PRCP: variants seen among roughly 807,000 people sequenced by gnomAD.
PRCP encodes the protein lysosomal Pro-X carboxypeptidase.
Under a neutral mutation model 54.2 loss-of-function variants are expected in PRCP, and 46 were observed. That is an observed-to-expected ratio of 0.85 (90% CI 0.67 to 1.09). The LOEUF (loss-of-function observed/expected upper bound fraction) is 1.09, where lower values mean the gene tolerates loss of function less well. PRCP is among the 50% of genes least tolerant of loss of function. The pLI, the probability that PRCP is intolerant of heterozygous loss-of-function variation, is 0.00. For synonymous variants in PRCP, 240 were observed against 212.2 expected (o/e 1.13, Z -1.14); for missense variants, 613 against 596.8 (o/e 1.03, Z -0.28).
intron 2 of PRCP, among the ~76,000 whole-genome samples, chr11:82,855,471 T>C (rs1159989980): frequency 1.3e-5 from 2 of 151,740 alleles, no homozygotes; most frequent in Non-Finnish European, 2.9e-5. Flanking sequence ...GCAAAAAACT[T>C]AGCCGGGCGT....
chr11:82,886,556 T>C (rs1859868639), intron 1 of PRCP, among the ~76,000 whole-genome samples: 1 of 152,212 alleles, frequency 6.6e-6, no homozygotes, highest in Non-Finnish European at 1.5e-5. Context: ...AGTGCTGGAA[T>C]TACAGGTGTG....
At chr11:82,899,838 G>GT (rs750836207) in intron 1 of PRCP, 34 of 192,014 alleles carry the variant, frequency 1.8e-4, no homozygotes, top group Non-Finnish European at 3.6e-4. Flanking sequence ...ATTAAAATTT[G>GT]TATTTAGGGC....
intron 6 of PRCP, among the ~76,000 whole-genome samples, chr11:82,841,135 G>C (rs1858657603): frequency 8.0e-6 from 1 of 125,506 alleles, no homozygotes; most frequent in Admixed American, 8.8e-5. Context: ...CAGGGAGAGA[G>C]ATTCTGGGCA....
At chr11:82,839,664 C>G (rs550771913) in intron 6 of PRCP, 23 of 467,322 alleles carry the variant, frequency 4.9e-5, no homozygotes, top group Non-Finnish European at 8.6e-5. Flanking sequence ...AAAGTCCTCT[C>G]CATCTACCAT....
chr11:82,849,464 A>G (rs924837096), intron 5 of PRCP, among the ~76,000 whole-genome samples: 1 of 152,252 alleles, frequency 6.6e-6, no homozygotes, highest in Admixed American at 6.5e-5. Flanking sequence ...AAATAGGAAC[A>G]CTATAGAACA....
At chr11:82,889,325 C>G (rs1420450588) in intron 1 of PRCP, among the ~76,000 whole-genome samples, 1 of 151,262 alleles carries the variant, frequency 6.6e-6, no homozygotes, top group Non-Finnish European at 1.5e-5. Context: ...GATCACAACA[C>G]TGCACTCCAG....
intron 2 of PRCP, among the ~76,000 whole-genome samples, chr11:82,859,302 A>G (rs990978256): frequency 6.6e-6 from 1 of 152,236 alleles, no homozygotes; most frequent in African/African-American, 2.4e-5. Flanking sequence ...ATAAAAGAAA[A>G]TGGTAGAACA....
intron 3 of PRCP, 78 bp downstream of exon 3, chr11:82,853,099 C>T: frequency 2.0e-6 from 2 of 1,005,460 alleles, no homozygotes. Flanking sequence ...AGTTATCTCA[C>T]AGTGGGGCAT....
intron 1 of PRCP, among the ~76,000 whole-genome samples, chr11:82,879,431 A>G (rs935480548): frequency 2.5e-4 from 38 of 152,188 alleles, no homozygotes; most frequent in Non-Finnish European, 4.4e-4. Context: ...CCATTCGTCT[A>G]ATCTTTTTTC....
At chr11:82,855,979 C>A (rs1308134396) in intron 2 of PRCP, among the ~76,000 whole-genome samples, 5 of 152,046 alleles carry the variant, frequency 3.3e-5, no homozygotes, top group Non-Finnish European at 7.4e-5. Context: ...AACTACCATT[C>A]AACCCACCAA....
chr11:82,860,095 G>C lies in PRCP; in HGVS notation c.191C>G (p.Thr64Ser). The part of the protein sequence containing the change: ...QQKVDHFGFN[T>S]VKTFNQRYLV... ...GTACCGCTGATTAAAAGTTTTCACA[G>C]TATTAAATCCAAAATGATCAACCTG... The change falls in exon 2 of 9, where the codon ACT becomes AGT. Residue 64 changes from threonine to serine, a missense_variant. Transcript: ENST00000313010. 6.5e-7 allele frequency: 1 copy of C among 1,542,096 alleles called. No homozygotes were observed. Among genetic ancestry groups the C allele is most frequent in the Non-Finnish European group, 8.8e-7 (1 of 1,142,694 alleles).
chr11:82,826,842 T>C (rs1226907049), intron 8 of PRCP: 2 of 152,248 alleles, frequency 1.3e-5, no homozygotes, highest in Non-Finnish European at 2.9e-5. Context: ...CTCTCTTAAC[T>C]TGTGTGTTGT....
intron 1 of PRCP, among the ~76,000 whole-genome samples, chr11:82,880,947 A>G: frequency 6.6e-6 from 1 of 152,126 alleles, no homozygotes; most frequent in Non-Finnish European, 1.5e-5. Context: ...TCATCTTCCT[A>G]CAATAGGAAG....
At chr11:82,827,062 G>A (rs980261922) in intron 8 of PRCP, 1 of 152,114 alleles carries the variant, frequency 6.6e-6, no homozygotes, top group Non-Finnish European at 1.5e-5. Context: ...CATACCACTG[G>A]AAATTACTTA....
rs565867961 is a variant in PRCP, at chr11:82,834,891, G to A, written c.1274+3496C>T. 1.5e-4 allele frequency among the ~76,000 whole-genome samples: 23 copies of A among 152,238 alleles called. No homozygotes were observed. The South Asian group carries it at 1.7e-3, about 11-fold the overall frequency. ...GGAGTTTGGGACCAGCCTGGCCAGC[G>A]TGGTGAAACCCCATCTCTACTAAAA... On this transcript the variant is annotated intron_variant, in intron 8 of 8. Transcript: ENST00000313010.
chr11:82,856,808 G>A (rs1210891395), intron 2 of PRCP, among the ~76,000 whole-genome samples: 5 of 152,164 alleles, frequency 3.3e-5, no homozygotes, highest in African/African-American at 1.2e-4. Context: ...CAACACTTTG[G>A]GAGGCCGAGG....
chr11:82,832,691 A>C (rs892059271), intron 8 of PRCP, among the ~76,000 whole-genome samples: 1 of 152,320 alleles, frequency 6.6e-6, no homozygotes, highest in Non-Finnish European at 1.5e-5. Flanking sequence ...TTTGCTGTGC[A>C]GAAGTCTTTA....
intron 1 of PRCP, among the ~76,000 whole-genome samples, chr11:82,894,174 C>A (rs1287879406): frequency 6.6e-6 from 1 of 152,096 alleles, no homozygotes; most frequent in African/African-American, 2.4e-5. Flanking sequence ...ATTCTCCTTA[C>A]CTATGATTCT....
intron 8 of PRCP, among the ~76,000 whole-genome samples, chr11:82,832,577 T>C (rs1434731091): frequency 5.3e-5 from 8 of 152,252 alleles, no homozygotes; most frequent in Non-Finnish European, 1.2e-4. Flanking sequence ...TACATTTGTT[T>C]AAGTTCCTTG....
Sources: allele counts gnomAD v4.1 joint callset (sites outside exome capture counted in the v4.1 genomes callset), GRCh38; gene constraint gnomAD v4.1.1; transcripts MANE v1.5; gene names NCBI Gene and HGNC (gene_info 2026-07-23, HGNC 2026-07-21).